Variants in ZNF442 observed in about 807,000 individuals in gnomAD.
ZNF442 encodes the protein zinc finger protein 442.
Under a neutral mutation model 57.0 loss-of-function variants are expected in ZNF442, and 45 were observed. That is an observed-to-expected ratio of 0.79 (90% CI 0.62 to 1.01). The LOEUF is 1.01. ZNF442 is among the 50% of genes least tolerant of loss of function. The pLI, the probability that ZNF442 is intolerant of heterozygous loss-of-function variation, is 0.00. For missense variants in ZNF442, 690 were observed against 756.5 expected, an observed-to-expected ratio of 0.91 and a Z score of 1.03; for synonymous variants, 213 against 241.8, an observed-to-expected ratio of 0.88 and a Z score of 1.10.
intron 5 of ZNF442, among the ~76,000 whole-genome samples, chr19:12,351,601 G>A (rs530642570): frequency 6.6e-6 from 1 of 152,228 alleles, no homozygotes; most frequent in South Asian, 2.1e-4. Flanking sequence ...CGCCTCCCAG[G>A]TTCAAGTGTT....
In ZNF442 at chr19:12,365,424, A is replaced by G. The variant is rs370479704; in HGVS notation, c.-483+109T>C. ...GGCTGGGCCAGGGGAACTCGGGTCC[A>G]CAGACCCCGCAGTCGCCGCGGGGAC... On this transcript the variant is annotated intron_variant, in intron 1 of 5. Coordinates refer to ENST00000242804, the MANE Select transcript of ZNF442 (RefSeq NM_030824.3). 515 of 294,444 alleles carry G rather than the reference A, an allele frequency of 1.7e-3. 5 individuals are homozygous for G. The highest frequency in any genetic ancestry group is 0.011 in the African/African-American group (482 of 43,862). 18.2% of individuals were successfully genotyped at this position (294,444 alleles called of 1,614,324 possible).
At position 12,363,729 on chromosome 19, in the gene ZNF442, T is replaced by C. The variant is rs139156889; in HGVS notation, c.-40-58A>G. 4,042 of 1,077,180 alleles carry C rather than the reference T, an allele frequency of 3.8e-3. 12 individuals carry two copies. The highest frequency in any genetic ancestry group is 5.1e-3 in the Non-Finnish European group (3,582 of 702,094). 66.7% of individuals were successfully genotyped at this position (1,077,180 alleles called of 1,614,324 possible). A position where few individuals can be genotyped will look rare whatever the true frequency, so the allele number is the denominator to read the frequency against. ...AAGGGTTAGCTTTTTATAGAAATGG[T>C]ATACCAGAATATTCCTCCCATCCCA... On this transcript the variant is annotated intron_variant, in intron 2 of 5. Transcript: ENST00000242804.
Sources: allele counts gnomAD v4.1 joint callset (sites outside exome capture counted in the v4.1 genomes callset), GRCh38; gene constraint gnomAD v4.1.1; transcripts MANE v1.5; gene names NCBI Gene and HGNC (gene_info 2026-07-23, HGNC 2026-07-21).